EIPR1: variants seen among roughly 807,000 people sequenced by gnomAD.
EIPR1 encodes the protein EARP and GARP complex-interacting protein 1.
Under a neutral mutation model 48.1 loss-of-function variants are expected in EIPR1, and 25 were observed. That is an observed-to-expected ratio of 0.52 (90% CI 0.38 to 0.73). The LOEUF (loss-of-function observed/expected upper bound fraction) is 0.73. Ranked by LOEUF, EIPR1 falls within the 30% of genes least tolerant of loss-of-function variation. The pLI is 0.00. For synonymous variants in EIPR1, 204 were observed against 201.9 expected, an observed-to-expected ratio of 1.01 and a Z score of -0.09; for missense variants, 415 against 506.2, an observed-to-expected ratio of 0.82 and a Z score of 1.73.
chr2:3,313,351 G>A (rs1669185377), intron 3 of EIPR1, among the ~76,000 whole-genome samples: 1 of 151,622 alleles, frequency 6.6e-6, no homozygotes, highest in South Asian at 2.1e-4. Flanking sequence ...AGCACAAAAT[G>A]CCGCCTGAGA....
At chr2:3,225,442 C>G (rs1558235527) in intron 4 of EIPR1, among the ~76,000 whole-genome samples, 1 of 152,200 alleles carries the variant, frequency 6.6e-6, no homozygotes, top group African/African-American at 2.4e-5. Context: ...GACAAGATCT[C>G]CCTACATTGC....
intron 1 of EIPR1, among the ~76,000 whole-genome samples, chr2:3,370,413 G>A (rs1246685512): frequency 1.3e-5 from 2 of 152,246 alleles, no homozygotes; most frequent in Non-Finnish European, 2.9e-5. Context: ...GTTGAGAGAA[G>A]AAGGCTTCAG....
At chr2:3,201,305 C>T (rs931534705) in intron 5 of EIPR1, among the ~76,000 whole-genome samples, 2 of 152,268 alleles carry the variant, frequency 1.3e-5, no homozygotes, top group South Asian at 2.1e-4. Flanking sequence ...CTGGCACAGC[C>T]GGGCCAGGCA....
chr2:3,339,794 C>CA (rs1670176968), intron 2 of EIPR1, among the ~76,000 whole-genome samples: 1 of 152,154 alleles, frequency 6.6e-6, no homozygotes, highest in South Asian at 2.1e-4. Flanking sequence ...ACTAAAAATA[C>CA]AAAAAATTAG....
intron 4 of EIPR1, among the ~76,000 whole-genome samples, chr2:3,254,315 A>C (rs1022010849): frequency 2.0e-5 from 3 of 152,162 alleles, no homozygotes; most frequent in African/African-American, 7.2e-5. Flanking sequence ...CAGCAGCTCC[A>C]CACAAAACTA....
chr2:3,297,558 G>C (rs1668640343), intron 3 of EIPR1, among the ~76,000 whole-genome samples: 1 of 152,218 alleles, frequency 6.6e-6, no homozygotes, highest in Non-Finnish European at 1.5e-5. Context: ...AAACAGCCAG[G>C]TTCTCCCTTG....
intron 2 of EIPR1, among the ~76,000 whole-genome samples, chr2:3,349,237 G>A (rs1375879951): frequency 6.6e-6 from 1 of 152,224 alleles, no homozygotes; most frequent in African/African-American, 2.4e-5. Context: ...CACTGCGTGG[G>A]GCCACCTGCC....
At chr2:3,327,984 C>G (rs908247832) in intron 3 of EIPR1, among the ~76,000 whole-genome samples, 5 of 152,088 alleles carry the variant, frequency 3.3e-5, no homozygotes, top group African/African-American at 1.2e-4. Context: ...TGGGCTCAAG[C>G]AATCTACCCA....
intron 3 of EIPR1, among the ~76,000 whole-genome samples, chr2:3,334,609 CG>C (rs1669990481): frequency 6.6e-6 from 1 of 152,222 alleles, no homozygotes; most frequent in Non-Finnish European, 1.5e-5. Context: ...CTTCGAAGGG[CG>C]AAGAGCCAGG....
chr2:3,250,598 C>T (rs1666971655), intron 4 of EIPR1, among the ~76,000 whole-genome samples: 1 of 152,134 alleles, frequency 6.6e-6, no homozygotes, highest in East Asian at 1.9e-4. Flanking sequence ...AGGGCAGAAG[C>T]AGAATGGTAT....
chr2:3,371,797 C>T (rs1434732703), intron 1 of EIPR1, among the ~76,000 whole-genome samples: 1 of 152,068 alleles, frequency 6.6e-6, no homozygotes, highest in Non-Finnish European at 1.5e-5. Context: ...ACTTTAACAC[C>T]CCACTGTCAA....
Position 3,210,549 on chromosome 2 carries a change from C to T in EIPR1, c.516+3600G>A, listed in dbSNP as rs894121044. On this transcript the variant is annotated intron_variant, in intron 5 of 8. Transcript: ENST00000382125. ...GGTTTCTAGACAAGAAAGCAACATC[C>T]GCAGGCGAGTCGAGGAGGTCCCGGT... is the stretch of plus-strand genomic sequence containing the variant. Among the ~76,000 whole-genome samples, 9 of 152,128 alleles carry T rather than the reference C, an allele frequency of 5.9e-5. No individual in the cohort carries two copies. In the South Asian group the frequency reaches 6.2e-4, roughly 11 times the overall value.
intron 3 of EIPR1, among the ~76,000 whole-genome samples, chr2:3,287,798 C>A (rs113007118): frequency 1.4e-5 from 2 of 147,796 alleles, no homozygotes; most frequent in African/African-American, 5.0e-5. Context: ...GCTCATTCAC[C>A]ATGCTCTAGA....
At chr2:3,336,358 G>A (rs1033015687) in intron 3 of EIPR1, among the ~76,000 whole-genome samples, 2 of 152,248 alleles carry the variant, frequency 1.3e-5, no homozygotes, top group East Asian at 1.9e-4. Flanking sequence ...GGAGGCTCTC[G>A]GACCCCCAAC....
intron 3 of EIPR1, among the ~76,000 whole-genome samples, chr2:3,263,040 T>C (rs1572370847): frequency 6.6e-6 from 1 of 152,232 alleles, no homozygotes; most frequent in East Asian, 1.9e-4. Flanking sequence ...AGTCCTGTAC[T>C]TTTAGCTGAA....
In EIPR1 at chr2:3,365,333, T is replaced by G. The variant is rs143508939; in HGVS notation, c.43-10700A>C. ...TAGATAGAGATAAATAAATAAATAATAAATGAGCTAGGCTTGTAGTCTCGG... is the reference window on the plus strand; with the variant it reads ...TAGATAGAGATAAATAAATAAATAAGAAATGAGCTAGGCTTGTAGTCTCGG... On this transcript the variant is annotated intron_variant, in intron 1 of 8. Coordinates refer to ENST00000382125, the MANE Select transcript of EIPR1 (RefSeq NM_003310.5). Among the ~76,000 whole-genome samples, 29 of 152,148 alleles carry G rather than the reference T, an allele frequency of 1.9e-4. No individual in the cohort carries two copies. In the South Asian group the frequency reaches 4.8e-3, roughly 25 times the overall value.
Position 3,312,851 on chromosome 2 carries a change from C to G in EIPR1, c.259+25166G>C, listed in dbSNP as rs1669171275. ...TGGAATGGATGCTACCTAACAAAGCCTCATATGGAGGTACACCCACTGATA... is the reference window on the plus strand; with the variant it reads ...TGGAATGGATGCTACCTAACAAAGCGTCATATGGAGGTACACCCACTGATA... On this transcript the variant is annotated intron_variant, in intron 3 of 8. Coordinates refer to ENST00000382125, the MANE Select transcript of EIPR1 (RefSeq NM_003310.5). The surrounding 1 kb of genome is among the most constrained non-coding windows in gnomAD (Gnocchi z 5.5). 6.6e-6 allele frequency among the ~76,000 whole-genome samples: 1 copy of G among 152,156 alleles called. No individual in the cohort carries two copies.
At chr2:3,327,331 G>A (rs969092519) in intron 3 of EIPR1, among the ~76,000 whole-genome samples, 17 of 152,052 alleles carry the variant, frequency 1.1e-4, no homozygotes, top group African/African-American at 3.9e-4. Context: ...CTACAGGCAC[G>A]CACCACCACA....
At chr2:3,287,347 G>A (rs531743672) in intron 3 of EIPR1, among the ~76,000 whole-genome samples, 26 of 148,356 alleles carry the variant, frequency 1.8e-4, no homozygotes, top group East Asian at 7.9e-4. Context: ...CGTTCACTGC[G>A]CTCCAGAAAG....
Sources: gnomAD v4.1 joint callset for allele counts (sites outside exome capture counted in the v4.1 genomes callset) on GRCh38, gnomAD v4.1.1 for gene constraint, Gnocchi (gnomAD v3.1) non-coding constraint, MANE v1.5 for transcripts, NCBI Gene and HGNC (gene_info 2026-07-23, HGNC 2026-07-21) for gene names.